Variants in RAB31 observed in about 807,000 individuals in gnomAD.
RAB31 encodes RAB31, member RAS oncogene family, also known as ras-related protein Rab-31.
RAB31 carries 21 observed loss-of-function variants against 25.6 expected under a neutral mutation model. The ratio of observed to expected loss-of-function variants is 0.82; its 90% CI spans 0.58 to 1.18. The LOEUF (loss-of-function observed/expected upper bound fraction) is 1.18, where lower values mean the gene tolerates loss of function less well. RAB31 is among the 50% of genes most tolerant of loss of function. RAB31 has a pLI of 0.00. For synonymous variants in RAB31, 87 were observed against 84.0 expected, an observed-to-expected ratio of 1.04 and a Z score of -0.20; for missense variants, 196 against 250.1, an observed-to-expected ratio of 0.78 and a Z score of 1.46.
At position 9,708,626 on chromosome 18, in the gene RAB31, T is replaced by TGCGCCCCTCGCTCTCC. The variant is rs910436875; in HGVS notation, c.39+201_39+216dup. ...GGGTCCCCCTGGCTCCCCTAGTCCG[T>TGCGCCCCTCGCTCTCC]GCGCCCCTCGCTCTCCGCGCCCCTC... On this transcript the variant is annotated intron_variant, in intron 1 of 6. Coordinates refer to ENST00000578921, the MANE Select transcript of RAB31 (RefSeq NM_006868.4). This position sits in a 1 kb window ranked among gnomAD's most constrained non-coding sequence, Gnocchi z 6.4. Among the ~76,000 whole-genome samples, 4 of 148,930 alleles carry TGCGCCCCTCGCTCTCC rather than the reference T, an allele frequency of 2.7e-5. No homozygotes were observed. Among genetic ancestry groups the TGCGCCCCTCGCTCTCC allele is most frequent in the Admixed American group, 1.3e-4 (2 of 15,012 alleles).
intron 2 of RAB31, among the ~76,000 whole-genome samples, chr18:9,788,344 TATC>T (rs1352162501): frequency 2.0e-5 from 3 of 152,174 alleles, no homozygotes; most frequent in Admixed American, 6.5e-5. Flanking sequence ...CACAGGAAGA[TATC>T]ATCTCTCTCC....
intron 5 of RAB31, among the ~76,000 whole-genome samples, chr18:9,841,056 G>GA (rs2143127116): frequency 6.6e-6 from 1 of 152,202 alleles, no homozygotes; most frequent in African/African-American, 2.4e-5. Context: ...AGTAGCTCCT[G>GA]AGTAGCTGAG....
intron 1 of RAB31, among the ~76,000 whole-genome samples, chr18:9,715,677 G>A (rs904679465): frequency 1.3e-5 from 2 of 151,912 alleles, no homozygotes; most frequent in Admixed American, 6.6e-5. Flanking sequence ...TCACAAGTGT[G>A]CAACACCATG....
intron 1 of RAB31, among the ~76,000 whole-genome samples, chr18:9,744,629 G>A (rs1233019172): frequency 6.6e-6 from 1 of 152,082 alleles, no homozygotes; most frequent in Non-Finnish European, 1.5e-5. Flanking sequence ...CCTAACAAGA[G>A]GAACTTGGAT....
chr18:9,721,738 A>G (rs919449716), intron 1 of RAB31, among the ~76,000 whole-genome samples: 3 of 152,068 alleles, frequency 2.0e-5, no homozygotes, highest in African/African-American at 7.2e-5. Flanking sequence ...GGGGAATAGC[A>G]GGTAACAACA....
chr18:9,792,282 A>T (rs1158860085), intron 3 of RAB31, 47 bp downstream of exon 3: 16 of 1,569,138 alleles, frequency 1.0e-5, no homozygotes, highest in Non-Finnish European at 1.4e-5. Context: ...AGTGAAAATA[A>T]GATCAGTTTC....
At chr18:9,779,772 A>T (rs927346333) in intron 2 of RAB31, among the ~76,000 whole-genome samples, 1 of 152,174 alleles carries the variant, frequency 6.6e-6, no homozygotes, top group Non-Finnish European at 1.5e-5. Context: ...GAGTCTTGCA[A>T]CCAAAGGGAC....
intron 3 of RAB31, among the ~76,000 whole-genome samples, chr18:9,797,663 A>G (rs2068493567): frequency 6.6e-6 from 1 of 152,202 alleles, no homozygotes; most frequent in Non-Finnish European, 1.5e-5. Flanking sequence ...GTTGAAAGTA[A>G]AACTATCCAA....
At chr18:9,807,367 G>A (rs570540755) in intron 3 of RAB31, among the ~76,000 whole-genome samples, 5 of 151,304 alleles carry the variant, frequency 3.3e-5, no homozygotes, top group South Asian at 2.1e-4. Flanking sequence ...TGGGCAGAGC[G>A]GAGAGAGGGC....
chr18:9,791,388 CTTTTTTTTTTT>C (rs35523044), intron 2 of RAB31, among the ~76,000 whole-genome samples: 8 of 59,632 alleles, frequency 1.3e-4, no homozygotes, highest in Admixed American at 9.1e-4. Context: ...GAAACACAGT[CTTTTTTTTTTT>C]TTTTTTTTTT....
chr18:9,837,177 A>T (rs983058034), intron 5 of RAB31, among the ~76,000 whole-genome samples: 9 of 152,166 alleles, frequency 5.9e-5, no homozygotes, highest in Non-Finnish European at 8.8e-5. Flanking sequence ...ACGGGGGAAA[A>T]CATGAGAAGT....
chr18:9,757,932 A>G (rs1214100487), intron 1 of RAB31: 3 of 152,242 alleles, frequency 2.0e-5, no homozygotes, highest in African/African-American at 4.8e-5. Context: ...CTTGTGTAAG[A>G]GCATGTACTT....
At chr18:9,763,600 T>TTATATATATATATATATA (rs57545209) in intron 1 of RAB31, among the ~76,000 whole-genome samples, 1 of 141,704 alleles carries the variant, frequency 7.1e-6, no homozygotes, top group African/African-American at 2.6e-5. Flanking sequence ...AAGAAAAAAA[T>TTATATATATATATATATA]TATATATATA....
chr18:9,761,869 G>A (rs2145484095), intron 1 of RAB31, among the ~76,000 whole-genome samples: 1 of 152,320 alleles, frequency 6.6e-6, no homozygotes. Context: ...GTGCAGTGGT[G>A]TGATCTTGGC....
intron 2 of RAB31, among the ~76,000 whole-genome samples, chr18:9,777,899 T>C (rs541396528): frequency 2.6e-5 from 4 of 151,586 alleles, no homozygotes; most frequent in Non-Finnish European, 5.9e-5. Context: ...GGATTACAGG[T>C]GCCCGCCACC....
rs141207380 is a variant in RAB31, at chr18:9,775,141, TC to T, written c.40-131del. On this transcript the variant is annotated intron_variant, in intron 1 of 6. Coordinates refer to ENST00000578921, the MANE Select transcript of RAB31 (RefSeq NM_006868.4). ...TATTGGTGAGAAATAGAAGAAAATA[TC>T]CCCCCACTCCCTCTCCCAGTCTCAT... The T allele has an allele frequency of 3.8e-6, 5 of 1,332,356 alleles. No homozygotes were observed. The East Asian group carries it at 1.3e-4, about 34-fold the overall frequency. 82.5% of individuals were successfully genotyped at this position (1,332,356 alleles called of 1,614,324 possible). A position where few individuals can be genotyped will look rare whatever the true frequency, so the allele number is the denominator to read the frequency against.
At chr18:9,795,830 C>A (rs1246718367) in intron 3 of RAB31, among the ~76,000 whole-genome samples, 2 of 152,108 alleles carry the variant, frequency 1.3e-5, no homozygotes, top group African/African-American at 2.4e-5. Flanking sequence ...TATGGAGATT[C>A]CTTAAAGAAC....
chr18:9,780,944 AAACAAAACAG>A (rs973435807), intron 2 of RAB31, among the ~76,000 whole-genome samples: 29 of 114,568 alleles, frequency 2.5e-4, no homozygotes, highest in African/African-American at 1.1e-3. Context: ...TCAAAAAACA[AAACAAAACAG>A]AACAAAACAA....
At chr18:9,824,977 T>C (rs1477505715) in intron 5 of RAB31, among the ~76,000 whole-genome samples, 3 of 152,226 alleles carry the variant, frequency 2.0e-5, no homozygotes, top group African/African-American at 7.2e-5. Context: ...CCTGCCGCTC[T>C]TCTCCCTCCC....
Sources: gnomAD v4.1 joint callset for allele counts (sites outside exome capture counted in the v4.1 genomes callset) on GRCh38, gnomAD v4.1.1 for gene constraint, Gnocchi (gnomAD v3.1) non-coding constraint, MANE v1.5 for transcripts, NCBI Gene and HGNC (gene_info 2026-07-23, HGNC 2026-07-21) for gene names.